The following SEMA4A variants were observed in gnomAD, a reference collection of about 807,000 sequenced individuals.
SEMA4A encodes semaphorin 4A.
In SEMA4A, 52 loss-of-function variants were observed where a neutral mutation model predicts 72.5. That is an observed-to-expected ratio of 0.72 (90% confidence interval 0.57 to 0.90). The LOEUF is 0.90. Among genes scored for constraint, SEMA4A ranks in the 40% least tolerant of loss-of-function variants. SEMA4A has a pLI of 0.00. For synonymous variants in SEMA4A, 369 were observed against 393.1 expected (o/e 0.94, Z 0.73); for missense variants, 926 against 959.7 (o/e 0.96, Z 0.46).
At chr1:156,159,336 A>G (rs576832734) in intron 6 of SEMA4A, among the ~76,000 whole-genome samples, 1 of 152,240 alleles carries the variant, frequency 6.6e-6, no homozygotes, top group South Asian at 2.1e-4. Flanking sequence ...TCTGTCTCAA[A>G]ACAAAACAAA....
At position 156,160,930 on chromosome 1, in the gene SEMA4A, C is replaced by T. The variant is rs1653542691; in HGVS notation, c.711C>T (p.Ile237=). ...ATGACGCCTCCTTTGTGGCAGCCATCCCTTCGACCCAGGTCGTCTACTTCT... is the reference window on the plus strand; with the variant it reads ...ATGACGCCTCCTTTGTGGCAGCCATTCCTTCGACCCAGGTCGTCTACTTCT... ...LHHDASFVAA[I]PSTQVVYFFF... Residue 237 remains isoleucine (I), a synonymous_variant, in exon 8 of 15, where the codon ATC becomes ATT. Coordinates refer to ENST00000368285, the MANE Select transcript of SEMA4A (RefSeq NM_022367.4). 4 of 1,613,550 alleles carry T rather than the reference C, an allele frequency of 2.5e-6. No individual in the cohort carries two copies. In the East Asian group the frequency reaches 6.7e-5, roughly 27 times the overall value.
At chr1:156,164,350 CA>C (rs892492472) in intron 10 of SEMA4A, among the ~76,000 whole-genome samples, 4 of 152,142 alleles carry the variant, frequency 2.6e-5, no homozygotes, top group Admixed American at 2.0e-4. Context: ...GTTGAATTCC[CA>C]CTGTAGAAAG....
At chr1:156,167,653 A>T (rs1485300972) in intron 10 of SEMA4A, among the ~76,000 whole-genome samples, 1 of 152,044 alleles carries the variant, frequency 6.6e-6, no homozygotes, top group Non-Finnish European at 1.5e-5. Context: ...ATTGTTCAGT[A>T]GTTGGATCTA....
rs1311890240 is a variant in SEMA4A, at chr1:156,154,627, T to C, written c.49T>C (p.Phe17Leu). ...GLDPWSLLGL[F>L]LFQLLQLLLP... is the part of the protein sequence containing the mutation. ...GGACCCCTGGAGCCTCCTGGGCCTT[T>C]TCCTCTTCCAACTGCTTCAGCTGCT... Residue 17 changes from phenylalanine to leucine, a missense_variant, in exon 2 of 15, where the codon TTC becomes CTC. By Grantham distance (22) the Phe-to-Leu change is conservative. Coordinates refer to ENST00000368285, the MANE Select transcript of SEMA4A (RefSeq NM_022367.4). The C allele has an allele frequency of 1.2e-6, 2 of 1,610,470 alleles. No individual in the cohort carries two copies. Among genetic ancestry groups the C allele is most frequent in the African/African-American group, 1.3e-5 (1 of 74,914 alleles).
At position 156,174,719 on chromosome 1, in the gene SEMA4A, C is replaced by T; in HGVS notation, c.1316-103C>T. The stretch of plus-strand genomic sequence containing the variant: ...TGGCTGACCCGCGCCCAGTACATAT[C>T]ACCCTCAGAAGGAGCTTTCTTACAG... On this transcript the variant is annotated intron_variant, in intron 11 of 14. Transcript: ENST00000368285. The T allele has an allele frequency of 2.1e-6, 3 of 1,430,564 alleles. No homozygotes were observed. In the South Asian group the frequency reaches 3.5e-5, roughly 17 times the overall value. The allele number at this position is 1,430,564 out of a possible 1,614,324, so 88.6% of individuals were successfully genotyped here.
At chr1:156,161,085 G>T (rs1653577790) in intron 8 of SEMA4A, 56 bp downstream of exon 8, 2 of 1,593,084 alleles carry the variant, frequency 1.3e-6, no homozygotes, top group South Asian at 1.1e-5. Flanking sequence ...TAGGGAGATG[G>T]CAGGGGCAGG....
At chr1:156,171,397 A>T (rs752530145) in intron 10 of SEMA4A, among the ~76,000 whole-genome samples, 3 of 152,164 alleles carry the variant, frequency 2.0e-5, no homozygotes, top group Admixed American at 6.6e-5. Context: ...TGGAGAAGGG[A>T]TTCTCCCAGA....
At chr1:156,170,723 C>T (rs1405234776) in intron 10 of SEMA4A, among the ~76,000 whole-genome samples, 1 of 148,918 alleles carries the variant, frequency 6.7e-6, no homozygotes, top group African/African-American at 2.5e-5. Context: ...CTCTGCACTC[C>T]AGCCTGGGAG....
chr1:156,162,339 G>T (rs541366079), intron 9 of SEMA4A, among the ~76,000 whole-genome samples: 1 of 152,252 alleles, frequency 6.6e-6, no homozygotes, highest in Non-Finnish European at 1.5e-5. Context: ...CCGAGTCATG[G>T]TCTGGCCCCA....
chr1:156,162,172 G>T (rs1019475938), intron 9 of SEMA4A, among the ~76,000 whole-genome samples: 4 of 152,208 alleles, frequency 2.6e-5, no homozygotes, highest in African/African-American at 9.7e-5. Flanking sequence ...GGGGCAGGAG[G>T]ATCCCATGAA....
rs575220838 is a variant in SEMA4A, at chr1:156,154,274, C to T, written c.-29-276C>T. 1.3e-4 allele frequency: 60 copies of T among 446,622 alleles called. 1 individual carries two copies. The highest frequency in any genetic ancestry group is 1.1e-3 in the African/African-American group (54 of 51,174). The allele number at this position is 446,622 out of a possible 1,614,324, so 27.7% of individuals were successfully genotyped here. A position where few individuals can be genotyped will look rare whatever the true frequency, so the allele number is the denominator to read the frequency against. On this transcript the variant is annotated intron_variant, in intron 1 of 14. Transcript: ENST00000368285. ...TGAGAGTAAGGCAAAAAAAGGCAAA[C>T]CAGAGCTGTTGGTGAGAAGACAACA...
intron 12 of SEMA4A, 60 bp from the exon 13 acceptor site, chr1:156,175,026 C>T: frequency 8.1e-6 from 13 of 1,613,998 alleles, no homozygotes; most frequent in East Asian, 2.2e-5. Flanking sequence ...CCTGCACCAG[C>T]GTGCTGGGAC....
Position 156,176,564 on chromosome 1 carries a change from T to G in SEMA4A, c.1853T>G (p.Val618Gly). The G allele has an allele frequency of 5.0e-6, 8 of 1,613,806 alleles. No individual in the cohort carries two copies. The highest frequency in any genetic ancestry group is 6.8e-6 in the Non-Finnish European group (8 of 1,179,924). Reference protein sequence around the residue: ...GSLLLIVQDGVGGLYQCWATE... With the variant: ...GSLLLIVQDGGGGLYQCWATE... ...CTCTTGCTGATAGTGCAGGATGGAG[T>G]TGGGGGTCTCTACCAGTGCTGGGCA... Residue 618 changes from valine to glycine, a missense_variant, in exon 15 of 15, where the codon GTT becomes GGT. By Grantham distance (109) the Val-to-Gly change is moderately radical. Transcript: ENST00000368285.
upstream of SEMA4A, among the ~76,000 whole-genome samples, chr1:156,149,033 C>T (rs911413692): frequency 6.6e-6 from 1 of 152,034 alleles, no homozygotes; most frequent in Non-Finnish European, 1.5e-5. Flanking sequence ...AACTCCTGAC[C>T]TCAGGTGATC....
chr1:156,155,982 T>TG, intron 2 of SEMA4A: 1 of 260,738 alleles, frequency 3.8e-6, no homozygotes. Context: ...CAGGGGTGGT[T>TG]GGGGGGATGG....
Position 156,161,007 on chromosome 1 carries a change from C to G in SEMA4A, c.788C>G (p.Ser263Trp). The G allele has an allele frequency of 1.2e-6, 2 of 1,610,516 alleles. No individual in the cohort carries two copies. The highest frequency in any genetic ancestry group is 4.5e-5 in the East Asian group (2 of 44,770). The part of the protein sequence containing the change: ...EFDFFERLHT[S>W]RVARVCKNDV... ...GACTTCTTTGAGAGGCTCCACACATCGCGGGTGGCTAGAGTCTGCAAGGTC... is the reference window on the plus strand; with the variant it reads ...GACTTCTTTGAGAGGCTCCACACATGGCGGGTGGCTAGAGTCTGCAAGGTC... Residue 263 changes from serine to tryptophan, a missense_variant, in exon 8 of 15, where the codon TCG becomes TGG. Ser to Trp is a radical substitution (Grantham distance 177). Coordinates refer to ENST00000368285, the MANE Select transcript of SEMA4A (RefSeq NM_022367.4).
chr1:156,158,311 C>A, intron 4 of SEMA4A, 77 bp from the exon 5 acceptor site: 1 of 1,322,240 alleles, frequency 7.6e-7, no homozygotes, highest in Non-Finnish European at 1.1e-6. Context: ...CCTTTCTCCT[C>A]AGTGAGGGGG....
At chr1:156,162,595 G>A (rs1653766978) in intron 9 of SEMA4A, among the ~76,000 whole-genome samples, 2 of 152,270 alleles carry the variant, frequency 1.3e-5, no homozygotes, top group South Asian at 2.1e-4. Flanking sequence ...AGGGGTTTGT[G>A]TGGAGCCAGG....
At chr1:156,171,462 C>A (rs1345725743) in intron 10 of SEMA4A, among the ~76,000 whole-genome samples, 1 of 152,234 alleles carries the variant, frequency 6.6e-6, no homozygotes, top group Non-Finnish European at 1.5e-5. Flanking sequence ...TGCTACACCA[C>A]CCCTTTCTGT....
Sources: allele counts gnomAD v4.1 joint callset (sites outside exome capture counted in the v4.1 genomes callset), GRCh38; gene constraint gnomAD v4.1.1; transcripts MANE v1.5; gene names NCBI Gene and HGNC (gene_info 2026-07-23, HGNC 2026-07-21).